GABBR2: variants seen among roughly 807,000 people sequenced by gnomAD.
GABBR2 encodes G-protein coupled receptor 51.
Under a neutral mutation model 105.6 loss-of-function variants are expected in GABBR2, and 23 were observed. That is an observed-to-expected ratio of 0.22 (90% CI 0.16 to 0.31). The LOEUF (loss-of-function observed/expected upper bound fraction) is 0.31. Among genes scored for constraint, GABBR2 ranks in the 10% least tolerant of loss-of-function variants. The pLI, the probability that GABBR2 is intolerant of heterozygous loss-of-function variation, is 1.00. For synonymous variants in GABBR2, 478 were observed against 499.7 expected (o/e 0.96, Z 0.58); for missense variants, 734 against 1,245.5 (o/e 0.59, Z 6.18).
intron 7 of GABBR2, among the ~76,000 whole-genome samples, chr9:98,436,303 A>ATAT (rs1564068032): frequency 2.6e-4 from 24 of 92,482 alleles, no homozygotes; most frequent in African/African-American, 8.8e-4. Flanking sequence ...ATATATATAT[A>ATAT]CCCATAAATA....
At chr9:98,692,466 C>T (rs977230322) in intron 1 of GABBR2, among the ~76,000 whole-genome samples, 3 of 152,254 alleles carry the variant, frequency 2.0e-5, no homozygotes, top group Middle Eastern at 3.2e-3. Context: ...ACAGTGTCTA[C>T]ACATACAGCT....
At chr9:98,697,441 AGAT>A (rs1830770557) in intron 1 of GABBR2, among the ~76,000 whole-genome samples, 1 of 151,360 alleles carries the variant, frequency 6.6e-6, no homozygotes, top group Non-Finnish European at 1.5e-5. Flanking sequence ...CAGTGAGCGG[AGAT>A]GGCGCCACTG....
chr9:98,650,206 G>A (rs949961410), intron 1 of GABBR2, among the ~76,000 whole-genome samples: 2 of 152,116 alleles, frequency 1.3e-5, no homozygotes, highest in Non-Finnish European at 2.9e-5. Flanking sequence ...ACTGAATAAT[G>A]CCCTAGCCTG....
chr9:98,329,524 T>C (rs1830985517), intron 13 of GABBR2, among the ~76,000 whole-genome samples: 1 of 152,208 alleles, frequency 6.6e-6, no homozygotes, highest in Non-Finnish European at 1.5e-5. Context: ...GCAGAGTCAT[T>C]GGGCTACTGT....
chr9:98,655,618 A>G (rs924596410), intron 1 of GABBR2, among the ~76,000 whole-genome samples: 23 of 152,248 alleles, frequency 1.5e-4, no homozygotes, highest in African/African-American at 5.5e-4. Flanking sequence ...TGGATAAAGA[A>G]GATGTGGCAT....
chr9:98,449,165 AG>A (rs892990729), intron 7 of GABBR2, among the ~76,000 whole-genome samples: 13 of 152,330 alleles, frequency 8.5e-5, no homozygotes, highest in Non-Finnish European at 1.6e-4. Flanking sequence ...GGTTCCCCAC[AG>A]GGTGGCTACC....
chr9:98,573,801 CT>C (rs1296219475), intron 2 of GABBR2, among the ~76,000 whole-genome samples: 2 of 152,148 alleles, frequency 1.3e-5, no homozygotes, highest in African/African-American at 4.8e-5. Flanking sequence ...CTCTTGCCCC[CT>C]GGTGAAATTG....
At chr9:98,663,341 G>A (rs754470198) in intron 1 of GABBR2, among the ~76,000 whole-genome samples, 5 of 152,116 alleles carry the variant, frequency 3.3e-5, no homozygotes, top group East Asian at 1.9e-4. Flanking sequence ...TCTGCAGACC[G>A]GGGATGATGG....
chr9:98,349,344 G>GTTTTTTTTTTT lies in GABBR2; in HGVS notation c.1893+13370_1893+13371insAAAAAAAAAAA, dbSNP rs1564026872. ...TTTGGTTTGCCAATATTTTGTTGAA[G>GTTTTTTTTTTT]TTTTGTTTTTTTTTTTTTTTTTTTT... On this transcript the variant is annotated intron_variant, in intron 13 of 18. Coordinates refer to ENST00000259455, the MANE Select transcript of GABBR2 (RefSeq NM_005458.8). Among the ~76,000 whole-genome samples, 17 of 105,484 alleles carry GTTTTTTTTTTT rather than the reference G, an allele frequency of 1.6e-4. 4 individuals carry two copies. The highest frequency in any genetic ancestry group is 3.1e-4 in the Admixed American group (3 of 9,692). The allele number at this position is 105,484 out of a possible 152,430, so 69.2% of individuals were successfully genotyped here. A position where few individuals can be genotyped will look rare whatever the true frequency, so the allele number is the denominator to read the frequency against.
intron 1 of GABBR2, among the ~76,000 whole-genome samples, chr9:98,652,394 A>G (rs1417908933): frequency 6.6e-6 from 1 of 152,172 alleles, no homozygotes; most frequent in Non-Finnish European, 1.5e-5. Context: ...GCTTGTCAGC[A>G]GAAGTTAACC....
chr9:98,628,921 T>C (rs186771351), intron 1 of GABBR2, among the ~76,000 whole-genome samples: 1 of 152,316 alleles, frequency 6.6e-6, no homozygotes, highest in East Asian at 1.9e-4. Flanking sequence ...GGCCATTCTG[T>C]CCTTCCCCAC....
intron 7 of GABBR2, among the ~76,000 whole-genome samples, chr9:98,435,653 A>T (rs1200189902): frequency 6.6e-6 from 1 of 152,034 alleles, no homozygotes; most frequent in Non-Finnish European, 1.5e-5. Context: ...GGCTCATCCC[A>T]CTTTATTCCA....
chr9:98,313,449 C>T (rs1345767975), intron 13 of GABBR2, among the ~76,000 whole-genome samples: 1 of 152,194 alleles, frequency 6.6e-6, no homozygotes, highest in Non-Finnish European at 1.5e-5. Context: ...TTGCCTTCCC[C>T]ATTCCATATT....
chr9:98,683,488 C>T (rs763045000), intron 1 of GABBR2, among the ~76,000 whole-genome samples: 1 of 152,146 alleles, frequency 6.6e-6, no homozygotes, highest in African/African-American at 2.4e-5. Context: ...GAAAATTAAA[C>T]GAGATCATGC....
At chr9:98,442,339 CAT>C (rs1826047262) in intron 7 of GABBR2, among the ~76,000 whole-genome samples, 1 of 152,182 alleles carries the variant, frequency 6.6e-6, no homozygotes, top group South Asian at 2.1e-4. Context: ...GTGCTGATCT[CAT>C]TGGTTTATTT....
At chr9:98,611,755 C>T (rs1242032545) in intron 1 of GABBR2, among the ~76,000 whole-genome samples, 1 of 152,226 alleles carries the variant, frequency 6.6e-6, no homozygotes, top group Non-Finnish European at 1.5e-5. Flanking sequence ...CCACCGGGTA[C>T]CTTGCCCTCG....
At chr9:98,482,080 C>T (rs932342757) in intron 4 of GABBR2, among the ~76,000 whole-genome samples, 2 of 152,238 alleles carry the variant, frequency 1.3e-5, no homozygotes, top group African/African-American at 4.8e-5. Context: ...ATCCCAGCCG[C>T]TTCCTGCCCT....
intron 6 of GABBR2, among the ~76,000 whole-genome samples, chr9:98,460,911 A>T (rs1826414515): frequency 6.6e-6 from 1 of 152,214 alleles, no homozygotes; most frequent in Non-Finnish European, 1.5e-5. Flanking sequence ...AGAGGAAAAA[A>T]AGATGCATTA....
chr9:98,371,810 T>C (rs1179828188), intron 11 of GABBR2, among the ~76,000 whole-genome samples: 2 of 152,168 alleles, frequency 1.3e-5, no homozygotes, highest in Non-Finnish European at 2.9e-5. Context: ...AACCATGCCT[T>C]AGATGGGCCT....
Sources: allele counts gnomAD v4.1 joint callset (sites outside exome capture counted in the v4.1 genomes callset), GRCh38; gene constraint gnomAD v4.1.1; transcripts MANE v1.5; gene names NCBI Gene and HGNC (gene_info 2026-07-23, HGNC 2026-07-21).